CNTN5: variants seen among roughly 807,000 people sequenced by gnomAD.
CNTN5 encodes the protein contactin-5.
Under a neutral mutation model 129.1 loss-of-function variants are expected in CNTN5, and 77 were observed. That is an observed-to-expected ratio of 0.60 (90% CI 0.50 to 0.72). The LOEUF (loss-of-function observed/expected upper bound fraction) is 0.72. Ranked by LOEUF, CNTN5 falls within the 30% of genes least tolerant of loss-of-function variation. The pLI is 0.00. For missense variants in CNTN5, 1,478 were observed against 1,328.8 expected (o/e 1.11, Z -1.75); for synonymous variants, 509 against 465.6 (o/e 1.09, Z -1.20).
chr11:99,455,690 A>T (rs1944471621), intron 2 of CNTN5, among the ~76,000 whole-genome samples: 2 of 152,046 alleles, frequency 1.3e-5, no homozygotes, highest in Non-Finnish European at 2.9e-5. Context: ...GTACCTGCCA[A>T]CCAAAGCAGC....
At chr11:99,707,224 C>T (rs1306152361) in intron 3 of CNTN5, among the ~76,000 whole-genome samples, 1 of 151,370 alleles carries the variant, frequency 6.6e-6, no homozygotes, top group Non-Finnish European at 1.5e-5. Context: ...TCACTGATTT[C>T]AAATGCACTG....
rs199843659 is a variant in CNTN5, at chr11:99,819,054, T to A, written c.56-490T>A. On this transcript the variant is annotated intron_variant, in intron 3 of 24. Transcript: ENST00000524871. ...AGTAAATGAAGTTCCTATCTATGTTTGTAGAATATAAGTGAAATGTTGGTT... is the reference window on the plus strand; with the variant it reads ...AGTAAATGAAGTTCCTATCTATGTTAGTAGAATATAAGTGAAATGTTGGTT... Among the ~76,000 whole-genome samples, 7 of 152,018 alleles carry A rather than the reference T, an allele frequency of 4.6e-5. No individual in the cohort carries two copies. The East Asian group carries it at 1.4e-3, about 30-fold the overall frequency.
At chr11:100,148,304 G>C (rs1358936240) in intron 13 of CNTN5, among the ~76,000 whole-genome samples, 1 of 152,104 alleles carries the variant, frequency 6.6e-6, no homozygotes, top group Non-Finnish European at 1.5e-5. Flanking sequence ...TCTATACATG[G>C]AGAAGATAAT....
chr11:99,175,694 G>T (rs1213779413), intron 1 of CNTN5, among the ~76,000 whole-genome samples: 1 of 151,972 alleles, frequency 6.6e-6, no homozygotes, highest in African/African-American at 2.4e-5. Flanking sequence ...CCTATTGATG[G>T]ACCTCGCATC....
At chr11:100,305,273 C>T (rs774614633) in intron 20 of CNTN5, among the ~76,000 whole-genome samples, 21 of 151,528 alleles carry the variant, frequency 1.4e-4, no homozygotes, top group Admixed American at 3.3e-4. Flanking sequence ...AGGTCCATTA[C>T]TCCAAAGCAC....
At chr11:99,171,268 A>G (rs12789966) in intron 1 of CNTN5, among the ~76,000 whole-genome samples, 56,375 of 152,062 alleles carry the variant, frequency 0.37, 10,680 homozygotes, top group East Asian at 0.41. Flanking sequence ...ATACTACTAG[A>G]CCACACACAA....
chr11:99,567,366 A>ATTT (rs5793996), intron 3 of CNTN5, among the ~76,000 whole-genome samples: 4 of 149,904 alleles, frequency 2.7e-5, no homozygotes, highest in African/African-American at 9.8e-5. Context: ...AACAAAAGGC[A>ATTT]TTTTTTTTTT....
At chr11:100,194,854 A>G (rs2138519395) in intron 15 of CNTN5, among the ~76,000 whole-genome samples, 1 of 150,228 alleles carries the variant, frequency 6.7e-6, no homozygotes, top group Admixed American at 6.9e-5. Flanking sequence ...TGTAACAAAA[A>G]TTAGCCCACT....
At position 100,358,009 on chromosome 11, in the gene CNTN5, C is replaced by A. The variant is rs1181585194; in HGVS notation, c.*1789C>A. 1 of 151,840 alleles carries A rather than the reference C, an allele frequency of 6.6e-6. No homozygotes were observed. Among genetic ancestry groups the A allele is most frequent in the Non-Finnish European group, 1.5e-5 (1 of 67,820 alleles). 9.4% of individuals were successfully genotyped at this position (151,840 alleles called of 1,614,324 possible). A position where few individuals can be genotyped will look rare whatever the true frequency, so the allele number is the denominator to read the frequency against. Reference sequence around the variant, plus strand: ...ATGACCAAGTGGCCTTTCTTGAACGCCTCCTTTAAAGTGGGAGAGGCTGGA... The same window carrying A: ...ATGACCAAGTGGCCTTTCTTGAACGACTCCTTTAAAGTGGGAGAGGCTGGA... On this transcript the variant is annotated 3_prime_UTR_variant, in exon 25 of 25. Transcript: ENST00000524871.
At chr11:99,484,589 T>C (rs1208980132) in intron 2 of CNTN5, among the ~76,000 whole-genome samples, 1 of 152,180 alleles carries the variant, frequency 6.6e-6, no homozygotes, top group African/African-American at 2.4e-5. Context: ...CTATGTTTAT[T>C]ATGGTATTAT....
chr11:99,588,337 CCT>C (rs1949871383), intron 3 of CNTN5, among the ~76,000 whole-genome samples: 3 of 83,678 alleles, frequency 3.6e-5, no homozygotes, highest in Admixed American at 1.6e-4. Context: ...GAGCAAGACT[CCT>C]TCTCAAAAAA....
At position 100,010,759 on chromosome 11, in the gene CNTN5, A is replaced by G. The variant is rs138958678; in HGVS notation, c.980+8623A>G. Among the ~76,000 whole-genome samples the G allele has an allele frequency of 2.9e-3, 439 of 152,192 alleles. 1 individual carries two copies. The highest frequency in any genetic ancestry group is 9.7e-3 in the African/African-American group (403 of 41,538). On this transcript the variant is annotated intron_variant, in intron 9 of 24. Transcript: ENST00000524871. ...CTCTTAATCAACTGCACCCCTTACTATACCTCAGCCATCCTGGCTTTGCCA... is the reference window on the plus strand; with the variant it reads ...CTCTTAATCAACTGCACCCCTTACTGTACCTCAGCCATCCTGGCTTTGCCA...
At chr11:99,247,209 T>C (rs1172262628) in intron 1 of CNTN5, among the ~76,000 whole-genome samples, 4 of 152,104 alleles carry the variant, frequency 2.6e-5, no homozygotes. Context: ...AAGATTTAAG[T>C]ATAGATTTAG....
At chr11:99,312,088 A>G (rs903434933) in intron 1 of CNTN5, among the ~76,000 whole-genome samples, 1 of 152,214 alleles carries the variant, frequency 6.6e-6, no homozygotes, top group Non-Finnish European at 1.5e-5. Context: ...ATCACGTGAT[A>G]TGAAATATCA....
intron 9 of CNTN5, among the ~76,000 whole-genome samples, chr11:100,045,005 G>T (rs1389142528): frequency 7.9e-5 from 12 of 151,726 alleles, no homozygotes; most frequent in Admixed American, 7.9e-4. Flanking sequence ...TTTTTCTCAG[G>T]CCATCAAAAT....
chr11:99,163,709 A>T (rs991745423), intron 1 of CNTN5, among the ~76,000 whole-genome samples: 1 of 152,180 alleles, frequency 6.6e-6, no homozygotes, highest in Non-Finnish European at 1.5e-5. Context: ...TCAGATTTTA[A>T]TAATCCATAT....
chr11:99,339,792 A>C (rs1866426598), intron 2 of CNTN5, among the ~76,000 whole-genome samples: 1 of 151,956 alleles, frequency 6.6e-6, no homozygotes, highest in Non-Finnish European at 1.5e-5. Flanking sequence ...AAAAAAGAAA[A>C]AAAAAAAAAA....
intron 3 of CNTN5, among the ~76,000 whole-genome samples, chr11:99,625,158 T>C (rs1469196122): frequency 1.3e-5 from 2 of 152,194 alleles, no homozygotes; most frequent in Non-Finnish European, 2.9e-5. Context: ...TGCCTTTTTC[T>C]TTTATACTCA....
At chr11:99,060,157 T>G (rs112038563) in intron 1 of CNTN5, among the ~76,000 whole-genome samples, 120 of 152,172 alleles carry the variant, frequency 7.9e-4, no homozygotes, top group Non-Finnish European at 1.3e-3. Flanking sequence ...TGGGTATGTA[T>G]GGGCCTGTAA....
Sources: allele counts gnomAD v4.1 joint callset (sites outside exome capture counted in the v4.1 genomes callset), GRCh38; gene constraint gnomAD v4.1.1; transcripts MANE v1.5; gene names NCBI Gene and HGNC (gene_info 2026-07-23, HGNC 2026-07-21).